Variants in CCM2 observed in about 807,000 individuals in gnomAD.
CCM2 encodes cerebral cavernous malformations 2 protein.
Under a neutral mutation model 44.9 loss-of-function variants are expected in CCM2, and 25 were observed. The observed-to-expected ratio is 0.56, with a 90% CI of 0.41 to 0.78. The LOEUF (loss-of-function observed/expected upper bound fraction) is 0.78. Ranked by LOEUF, CCM2 falls within the 30% of genes least tolerant of loss-of-function variation. The pLI, the probability that CCM2 is intolerant of heterozygous loss-of-function variation, is 0.00. For synonymous variants in CCM2, 219 were observed against 241.1 expected (o/e 0.91, Z 0.85); for missense variants, 481 against 580.6 (o/e 0.83, Z 1.76).
intron 1 of CCM2, among the ~76,000 whole-genome samples, chr7:45,010,471 A>G (rs1233311833): frequency 6.6e-6 from 1 of 152,090 alleles, no homozygotes; most frequent in African/African-American, 2.4e-5. Flanking sequence ...TACTCAGCAT[A>G]ATGTTTTTGA....
chr7:45,069,598 A>G lies in CCM2; in HGVS notation c.610-228A>G, dbSNP rs1194222840. Among the ~76,000 whole-genome samples, 3 of 152,338 alleles carry G rather than the reference A, an allele frequency of 2.0e-5. No individual in the cohort carries two copies. In the South Asian group the frequency reaches 6.2e-4, roughly 32 times the overall value. On this transcript the variant is annotated intron_variant, in intron 5 of 9. Transcript: ENST00000258781. ...CCTGCACAGTCCCCTCACACTTGCA[A>G]TACCACCCCTGGGCCACATGGCAGT...
chr7:45,022,112 A>C (rs1325809262), intron 1 of CCM2, among the ~76,000 whole-genome samples: 2 of 152,092 alleles, frequency 1.3e-5, no homozygotes, highest in African/African-American at 2.4e-5. Flanking sequence ...TATGTCAAGT[A>C]GTGTGGTTAC....
At chr7:45,052,336 C>T (rs1676840346) in intron 2 of CCM2, among the ~76,000 whole-genome samples, 1 of 152,222 alleles carries the variant, frequency 6.6e-6, no homozygotes, top group Admixed American at 6.5e-5. Flanking sequence ...GGCAGGTCTG[C>T]CACGGTGAAG....
At chr7:45,004,601 T>A (rs552392888) in intron 1 of CCM2, among the ~76,000 whole-genome samples, 1 of 152,338 alleles carries the variant, frequency 6.6e-6, no homozygotes, top group African/African-American at 2.4e-5. Flanking sequence ...ACCTTCTCCA[T>A]GCTGACCTGA....
intron 1 of CCM2, among the ~76,000 whole-genome samples, chr7:45,031,196 A>C (rs1289196048): frequency 5.9e-5 from 9 of 151,650 alleles, no homozygotes; most frequent in African/African-American, 2.2e-4. Flanking sequence ...CAGCCTGGCC[A>C]ACATGGTGAA....
chr7:45,014,231 C>T (rs1403776895), intron 1 of CCM2, among the ~76,000 whole-genome samples: 1 of 152,062 alleles, frequency 6.6e-6, no homozygotes, highest in East Asian at 1.9e-4. Context: ...CCTCTGCCTC[C>T]CAGGTTCAAG....
intron 1 of CCM2, among the ~76,000 whole-genome samples, chr7:45,032,386 CCCT>C (rs1797009260): frequency 6.6e-6 from 1 of 152,010 alleles, no homozygotes; most frequent in African/African-American, 2.4e-5. Flanking sequence ...TCCGGGGTCG[CCCT>C]CCTCTGCTAG....
chr7:45,023,859 G>A (rs1218412954), intron 1 of CCM2, among the ~76,000 whole-genome samples: 1 of 138,274 alleles, frequency 7.2e-6, no homozygotes, highest in African/African-American at 2.7e-5. Context: ...TGCCCAGGCT[G>A]GAGTGCAATG....
chr7:45,006,417 C>T (rs974262302), intron 1 of CCM2, among the ~76,000 whole-genome samples: 10 of 151,600 alleles, frequency 6.6e-5, no homozygotes, highest in Admixed American at 5.3e-4. Flanking sequence ...AATCTTGGCT[C>T]GCTGCAAGCT....
chr7:45,048,933 A>G (rs1431633260), intron 2 of CCM2, among the ~76,000 whole-genome samples: 1 of 152,212 alleles, frequency 6.6e-6, no homozygotes, highest in Non-Finnish European at 1.5e-5. Flanking sequence ...ATTTGTGATA[A>G]CAAACCCAAG....
At chr7:45,000,196 G>C, upstream of CCM2, 1 of 336,774 alleles carries the variant, frequency 3.0e-6, no homozygotes, top group Non-Finnish European at 4.2e-6. Context: ...GGGCGCGGCC[G>C]GGGCGGAGAC....
At chr7:45,073,187 T>C (rs773324676) in intron 7 of CCM2, 3 of 577,510 alleles carry the variant, frequency 5.2e-6, no homozygotes, top group Non-Finnish European at 9.3e-6. Context: ...CTCCTTCCCC[T>C]GCCCAACAAT....
At chr7:45,030,570 GA>G (rs1460784622) in intron 1 of CCM2, among the ~76,000 whole-genome samples, 1 of 152,064 alleles carries the variant, frequency 6.6e-6, no homozygotes, top group Non-Finnish European at 1.5e-5. Context: ...TGAGTGCCTG[GA>G]ACTACAGGCT....
At chr7:45,069,779 G>C in intron 5 of CCM2, 47 bp from the exon 6 acceptor site, 1 of 1,611,894 alleles carries the variant, frequency 6.2e-7, no homozygotes. Flanking sequence ...CTGGGAAGGC[G>C]CAGTCTCCAG....
At chr7:45,038,538 G>A (rs1797336782) in intron 2 of CCM2, 112 bp downstream of exon 2, 3 of 1,065,696 alleles carry the variant, frequency 2.8e-6, no homozygotes, top group Non-Finnish European at 4.3e-6. Context: ...CACCTTAGTA[G>A]TTGATTATCC....
intron 1 of CCM2, among the ~76,000 whole-genome samples, chr7:45,013,261 CT>C (rs1212988774): frequency 6.6e-6 from 1 of 151,936 alleles, no homozygotes; most frequent in Non-Finnish European, 1.5e-5. Context: ...TTTTTGCAAA[CT>C]TTTTGGCATA....
chr7:45,053,779 A>C (rs115478185), intron 2 of CCM2, among the ~76,000 whole-genome samples: 1 of 152,136 alleles, frequency 6.6e-6, no homozygotes, highest in South Asian at 2.1e-4. Context: ...GCCATGGTTG[A>C]TGGAATGCCA....
chr7:45,009,675 A>T (rs998804995), intron 1 of CCM2, among the ~76,000 whole-genome samples: 1 of 152,034 alleles, frequency 6.6e-6, no homozygotes, highest in East Asian at 1.9e-4. Context: ...AAGTGCTGGG[A>T]TTACACTCAT....
intron 1 of CCM2, among the ~76,000 whole-genome samples, chr7:45,014,911 C>G (rs545575107): frequency 1.4e-4 from 21 of 152,240 alleles, no homozygotes; most frequent in African/African-American, 4.1e-4. Context: ...CGTGAGCCAC[C>G]ATGCCCGGCC....
Sources: gnomAD v4.1 joint callset for allele counts (sites outside exome capture counted in the v4.1 genomes callset) on GRCh38, gnomAD v4.1.1 for gene constraint, MANE v1.5 for transcripts, NCBI Gene and HGNC (gene_info 2026-07-23, HGNC 2026-07-21) for gene names.